The following FPR3 variants were observed in gnomAD, a reference collection of about 807,000 sequenced individuals.
FPR3 encodes formyl peptide receptor 3, also known as N-formyl peptide receptor 3.
For missense variants in FPR3, 346 were observed against 443.2 expected (o/e 0.78, Z 1.97); for synonymous variants, 135 against 163.6 (o/e 0.83, Z 1.34).
intron 1 of FPR3, among the ~76,000 whole-genome samples, chr19:51,801,395 T>C (rs1444034532): frequency 6.6e-6 from 1 of 152,196 alleles, no homozygotes; most frequent in Non-Finnish European, 1.5e-5. Context: ...AAAATCCATA[T>C]ATTAATTTTT....
Position 51,824,485 on chromosome 19 carries a change from T to G in FPR3, c.737T>G (p.Val246Gly), listed in dbSNP as rs756395393. The change falls in exon 2 of 2, where the codon GTG (valine) becomes GGG (glycine). Residue 246 changes from valine to glycine, a missense_variant. Val to Gly is a moderately radical substitution (Grantham distance 109, BLOSUM62 -3). Coordinates refer to ENST00000339223, the MANE Select transcript of FPR3 (RefSeq NM_002030.5). The surrounding 1 kb of genome is among the most constrained non-coding windows in gnomAD (Gnocchi z 4.7). ...SSRPLRVFAA[V>G]VASFFICWFP... ...CGTCCCTTACGTGTCTTCGCTGCTG[T>G]GGTGGCTTCTTTCTTCATCTGTTGG... The G allele has an allele frequency of 6.2e-7, 1 of 1,614,108 alleles. No homozygotes were observed. Among genetic ancestry groups the G allele is most frequent in the Non-Finnish European group, 8.5e-7 (1 of 1,179,994 alleles).
chr19:51,803,185 T>A (rs1041501656), intron 1 of FPR3, among the ~76,000 whole-genome samples: 38 of 152,296 alleles, frequency 2.5e-4, no homozygotes, highest in African/African-American at 9.1e-4. Flanking sequence ...AACCAAGTCA[T>A]GTCTAGTAAA....
At chr19:51,804,916 G>A (rs1358010320) in intron 1 of FPR3, 2 of 152,258 alleles carry the variant, frequency 1.3e-5, no homozygotes, top group Admixed American at 6.5e-5. Flanking sequence ...GTGAGAAGGG[G>A]GGTGGAAGAA....
intron 1 of FPR3, among the ~76,000 whole-genome samples, chr19:51,820,687 A>G (rs2084181842): frequency 6.6e-6 from 1 of 152,164 alleles, no homozygotes. Context: ...GGAACTAGGG[A>G]ATGGGAGAGG....
rs1291808594 is a variant in FPR3 at position 51,812,727 on chromosome 19, A to G, written c.-10-11012A>G. On this transcript the variant is annotated intron_variant, in intron 1 of 1. Coordinates refer to ENST00000339223, the MANE Select transcript of FPR3 (RefSeq NM_002030.5). ...CATTACATTGAGGACAACCTCCTCT[A>G]AGAAGATTCACTTGATACACACATT... Among the ~76,000 whole-genome samples the G allele has an allele frequency of 4.6e-5, 7 of 152,316 alleles. No individual in the cohort carries two copies. The East Asian group carries it at 1.2e-3, about 25-fold the overall frequency.
chr19:51,820,746 G>A (rs919424728), intron 1 of FPR3, among the ~76,000 whole-genome samples: 1 of 152,108 alleles, frequency 6.6e-6, no homozygotes, highest in Non-Finnish European at 1.5e-5. Flanking sequence ...CTCCAACTCT[G>A]GTTCTACCCC....
chr19:51,818,781 G>A (rs1478819600), intron 1 of FPR3, among the ~76,000 whole-genome samples: 2 of 152,148 alleles, frequency 1.3e-5, no homozygotes, highest in Non-Finnish European at 2.9e-5. Flanking sequence ...CAGAGATGAG[G>A]TCTGGGGATA....
At chr19:51,798,573 A>G (rs79598426) in intron 1 of FPR3, among the ~76,000 whole-genome samples, 2,754 of 152,312 alleles carry the variant, frequency 0.018, 43 homozygotes, top group Middle Eastern at 0.051. Flanking sequence ...ACGCCTTTCA[A>G]TGGCAGCACT....
chr19:51,822,322 T>C (rs1456392375), intron 1 of FPR3, among the ~76,000 whole-genome samples: 1 of 152,144 alleles, frequency 6.6e-6, no homozygotes, highest in Non-Finnish European at 1.5e-5. Flanking sequence ...TAGAACAAAT[T>C]AGAAAATCAA....
chr19:51,810,772 G>A (rs1485651184), intron 1 of FPR3, among the ~76,000 whole-genome samples: 4 of 152,160 alleles, frequency 2.6e-5, no homozygotes, highest in Non-Finnish European at 5.9e-5. Flanking sequence ...GGCTCTGTAT[G>A]CCATTATTTA....
intron 1 of FPR3, among the ~76,000 whole-genome samples, chr19:51,796,442 T>C (rs1328363966): frequency 6.6e-6 from 1 of 152,142 alleles, no homozygotes; most frequent in African/African-American, 2.4e-5. Context: ...GCGAATAACA[T>C]CACCATCTTA....
At chr19:51,819,626 G>C (rs546572260) in intron 1 of FPR3, among the ~76,000 whole-genome samples, 3 of 152,232 alleles carry the variant, frequency 2.0e-5, no homozygotes, top group African/African-American at 7.2e-5. Context: ...TTAGGAGAGT[G>C]CATTAGCTGG....
rs141733472 is a variant in FPR3 at position 51,812,497 on chromosome 19, A to T, written c.-10-11242A>T. Among the ~76,000 whole-genome samples the T allele has an allele frequency of 7.9e-5, 12 of 152,346 alleles. No individual in the cohort carries two copies. The East Asian group carries it at 2.3e-3, about 29-fold the overall frequency. On this transcript the variant is annotated intron_variant, in intron 1 of 1. Coordinates refer to ENST00000339223, the MANE Select transcript of FPR3 (RefSeq NM_002030.5). ...AATACTATTCAATCAAGAACTGGTA[A>T]ACATTTTGCTCTCATTCATTTGGCT...
chr19:51,822,675 T>C (rs1201442910), intron 1 of FPR3, among the ~76,000 whole-genome samples: 2 of 152,168 alleles, frequency 1.3e-5, no homozygotes, highest in African/African-American at 4.8e-5. Context: ...ACACAGTGAA[T>C]AGTCTCTGAT....
intron 1 of FPR3, chr19:51,805,109 T>C (rs961596213): frequency 1.3e-5 from 2 of 152,362 alleles, no homozygotes; most frequent in Non-Finnish European, 2.9e-5. Context: ...TTTGATCATA[T>C]AGCCTCCAGT....
At chr19:51,805,085 T>TA (rs1285014207) in intron 1 of FPR3, 1 of 152,234 alleles carries the variant, frequency 6.6e-6, no homozygotes, top group Non-Finnish European at 1.5e-5. Context: ...GTATTCATGA[T>TA]AAACAGTTTG....
At chr19:51,801,616 A>G (rs2084027179) in intron 1 of FPR3, among the ~76,000 whole-genome samples, 1 of 152,164 alleles carries the variant, frequency 6.6e-6, no homozygotes, top group African/African-American at 2.4e-5. Flanking sequence ...CCCCATCTCT[A>G]CTAAAAGTAC....
Position 51,824,594 on chromosome 19 carries a change from C to A in FPR3, c.846C>A (p.Val282=). The change falls in exon 2 of 2, where the codon GTC becomes GTA. Residue 282 remains valine, a synonymous_variant. Coordinates refer to ENST00000339223, the MANE Select transcript of FPR3 (RefSeq NM_002030.5). The surrounding 1 kb of genome is among the most constrained non-coding windows in gnomAD (Gnocchi z 4.7). ...ATGGCAAATACAAAATCATTCTTGT[C>A]CTGATTAACCCAACAAGCTCCTTGG... ...LLNGKYKIIL[V]LINPTSSLAF... 1 of 1,614,144 alleles carries A rather than the reference C, an allele frequency of 6.2e-7. No individual in the cohort carries two copies. The highest frequency in any genetic ancestry group is 8.5e-7 in the Non-Finnish European group (1 of 1,180,020).
At chr19:51,807,091 A>G (rs2084064226) in intron 1 of FPR3, among the ~76,000 whole-genome samples, 1 of 152,224 alleles carries the variant, frequency 6.6e-6, no homozygotes, top group Admixed American at 6.5e-5. Context: ...GCGTGGGAAT[A>G]AAAGACAAGA....
Sources: gnomAD v4.1 joint callset for allele counts (sites outside exome capture counted in the v4.1 genomes callset) on GRCh38, gnomAD v4.1.1 for gene constraint, Gnocchi (gnomAD v3.1) non-coding constraint, MANE v1.5 for transcripts, NCBI Gene and HGNC (gene_info 2026-07-23, HGNC 2026-07-21) for gene names.